SQOR: variants seen among roughly 807,000 people sequenced by gnomAD.
SQOR encodes the protein sulfide quinone oxidoreductase.
SQOR carries 39 observed loss-of-function variants against 48.6 expected under a neutral mutation model. That is an observed-to-expected ratio of 0.80 (90% CI 0.62 to 1.05). The LOEUF is 1.05. Ranked by LOEUF, SQOR falls within the 50% of genes least tolerant of loss-of-function variation. SQOR has a pLI of 0.00. For missense variants in SQOR, 561 were observed against 559.9 expected (o/e 1.00, Z -0.02); for synonymous variants, 220 against 206.2 (o/e 1.07, Z -0.57).
At chr15:45,636,988 C>CTTT (rs11303902) in intron 1 of SQOR, among the ~76,000 whole-genome samples, 1 of 141,550 alleles carries the variant, frequency 7.1e-6, no homozygotes, top group Non-Finnish European at 1.6e-5. Context: ...GTAACCTTGG[C>CTTT]TTTTTTTTTT....
chr15:45,665,136 A>G (rs1889791145), intron 3 of SQOR, among the ~76,000 whole-genome samples: 1 of 152,174 alleles, frequency 6.6e-6, no homozygotes, highest in Admixed American at 6.5e-5. Flanking sequence ...CTCAAGGACC[A>G]TATACTTTAC....
intron 1 of SQOR, among the ~76,000 whole-genome samples, chr15:45,650,374 G>A (rs1443391415): frequency 6.6e-6 from 1 of 152,172 alleles, no homozygotes; most frequent in African/African-American, 2.4e-5. Flanking sequence ...TCTAACGTTC[G>A]AATGTGTTTG....
chr15:45,656,141 A>G (rs1225436100), intron 1 of SQOR, among the ~76,000 whole-genome samples: 1 of 152,152 alleles, frequency 6.6e-6, no homozygotes, highest in Non-Finnish European at 1.5e-5. Context: ...CAGTCCACCC[A>G]TGGGCTATAT....
upstream of SQOR, among the ~76,000 whole-genome samples, chr15:45,633,693 C>CAAAAAA (rs397854330): frequency 2.6e-5 from 2 of 77,518 alleles, no homozygotes; most frequent in Admixed American, 1.3e-4. Flanking sequence ...GACTTCGCCT[C>CAAAAAA]AAAAAAAAAA....
intron 3 of SQOR, among the ~76,000 whole-genome samples, chr15:45,662,359 C>T (rs17628584): frequency 6.6e-6 from 1 of 152,040 alleles, no homozygotes; most frequent in South Asian, 2.1e-4. Flanking sequence ...TGTTGAACAC[C>T]CACTGTGCAC....
At chr15:45,659,312 C>G (rs1207802754) in intron 2 of SQOR, among the ~76,000 whole-genome samples, 155 bp downstream of exon 2, 1 of 151,990 alleles carries the variant, frequency 6.6e-6, no homozygotes, top group Non-Finnish European at 1.5e-5. Context: ...AGCAGCCTAT[C>G]CAGAAGGACT....
At chr15:45,676,386 C>G (rs1177969882) in intron 6 of SQOR, 76 bp downstream of exon 6, 1 of 1,360,286 alleles carries the variant, frequency 7.4e-7, no homozygotes, top group Non-Finnish European at 1.0e-6. Context: ...GGGCTCACAC[C>G]ACCCTATCTG....
At chr15:45,640,192 C>T (rs1895080112) in intron 1 of SQOR, among the ~76,000 whole-genome samples, 1 of 152,202 alleles carries the variant, frequency 6.6e-6, no homozygotes, top group Non-Finnish European at 1.5e-5. Context: ...CACAAAAATT[C>T]ACATCTCTGA....
chr15:45,661,316 G>C (rs1002133465), intron 2 of SQOR, among the ~76,000 whole-genome samples: 1 of 99,440 alleles, frequency 1.0e-5, no homozygotes, highest in Non-Finnish European at 2.2e-5. Context: ...AAAAAAAAAG[G>C]ACCATCTGAA....
At chr15:45,685,963 AC>A (rs72459342) in intron 7 of SQOR, among the ~76,000 whole-genome samples, 2 of 50,766 alleles carry the variant, frequency 3.9e-5, no homozygotes, top group African/African-American at 1.4e-4. Flanking sequence ...TTCAACCCCC[AC>A]CCCCCCACCC....
At chr15:45,647,251 AAAAAC>A (rs528565555) in intron 1 of SQOR, among the ~76,000 whole-genome samples, 3 of 152,210 alleles carry the variant, frequency 2.0e-5, no homozygotes, top group African/African-American at 7.2e-5. Flanking sequence ...TCTGTTAGAA[AAAAAC>A]AAAACAAAAC....
chr15:45,634,298 G>T (rs1894956579), upstream of SQOR, among the ~76,000 whole-genome samples: 1 of 146,710 alleles, frequency 6.8e-6, no homozygotes, highest in African/African-American at 2.5e-5. Context: ...TTGTTTTTTT[G>T]AAAGCTTCTA....
intron 3 of SQOR, among the ~76,000 whole-genome samples, chr15:45,668,111 A>AT (rs1889871808): frequency 6.6e-6 from 1 of 151,374 alleles, no homozygotes; most frequent in Non-Finnish European, 1.5e-5. Context: ...TACCCAGCTA[A>AT]TTTTTTGTAT....
intron 1 of SQOR, among the ~76,000 whole-genome samples, chr15:45,651,416 C>A (rs1056243597): frequency 6.6e-6 from 1 of 152,212 alleles, no homozygotes; most frequent in Non-Finnish European, 1.5e-5. Context: ...GCAGAGGGAG[C>A]TGGCTCTGGC....
rs984762168 is a variant in SQOR, at chr15:45,688,578, C to G, written c.1116+174C>G. Among the ~76,000 whole-genome samples, 3 of 150,562 alleles carry G rather than the reference C, an allele frequency of 2.0e-5. No homozygotes were observed. In the East Asian group the frequency reaches 5.9e-4, roughly 30 times the overall value. On this transcript the variant is annotated intron_variant, in intron 8 of 9. Coordinates refer to ENST00000260324, the MANE Select transcript of SQOR (RefSeq NM_021199.4). Reference sequence around the variant, plus strand: ...CCAGGCTGGAGTGCAATGGCACGATCTCAGCTCACCGCAACCTCCACCTCC... The same window carrying G: ...CCAGGCTGGAGTGCAATGGCACGATGTCAGCTCACCGCAACCTCCACCTCC...
intron 1 of SQOR, among the ~76,000 whole-genome samples, chr15:45,655,158 T>C (rs1889572597): frequency 6.6e-6 from 1 of 152,166 alleles, no homozygotes; most frequent in Non-Finnish European, 1.5e-5. Context: ...CCTAAGTAAA[T>C]TTTTCTTAAC....
chr15:45,680,059 G>A (rs1890100377), intron 6 of SQOR, among the ~76,000 whole-genome samples: 1 of 152,156 alleles, frequency 6.6e-6, no homozygotes, highest in South Asian at 2.1e-4. Context: ...CTACAACTAA[G>A]TGCCAGTGTT....
intron 6 of SQOR, among the ~76,000 whole-genome samples, chr15:45,681,731 G>A (rs1890130675): frequency 6.6e-6 from 1 of 151,972 alleles, no homozygotes; most frequent in Admixed American, 6.6e-5. Flanking sequence ...TACAAAACGT[G>A]AAAGAATATT....
chr15:45,653,728 A>G (rs1889541559), intron 1 of SQOR, among the ~76,000 whole-genome samples: 1 of 152,218 alleles, frequency 6.6e-6, no homozygotes, highest in Non-Finnish European at 1.5e-5. Context: ...TCAGGGACTC[A>G]TTATGAAAAA....
Sources: gnomAD v4.1 joint callset for allele counts (sites outside exome capture counted in the v4.1 genomes callset) on GRCh38, gnomAD v4.1.1 for gene constraint, MANE v1.5 for transcripts, NCBI Gene and HGNC (gene_info 2026-07-23, HGNC 2026-07-21) for gene names.